Variants in PIK3C2B observed in about 807,000 individuals in gnomAD.
The protein encoded by PIK3C2B is phosphatidylinositol-4-phosphate 3-kinase catalytic subunit type 2 beta.
In PIK3C2B, 83 loss-of-function variants were observed where a neutral mutation model predicts 184.3. That is an observed-to-expected ratio of 0.45 (90% CI 0.38 to 0.54). The LOEUF (loss-of-function observed/expected upper bound fraction) is 0.54, where lower values mean the gene tolerates loss of function less well. Ranked by LOEUF, PIK3C2B falls within the 20% of genes least tolerant of loss-of-function variation. The pLI is 0.00. For missense variants in PIK3C2B, 1,736 were observed against 2,113.5 expected, an observed-to-expected ratio of 0.82 and a Z score of 3.50; for synonymous variants, 779 against 837.6, an observed-to-expected ratio of 0.93 and a Z score of 1.21.
At chr1:204,449,433 T>C (rs1056060818) in intron 13 of PIK3C2B, 137 bp from the exon 14 acceptor site, 28 of 676,434 alleles carry the variant, frequency 4.1e-5, no homozygotes, top group Non-Finnish European at 7.0e-5. Context: ...CCGTGGACCA[T>C]AGCCTCTTCC....
chr1:204,467,932 T>G, intron 2 of PIK3C2B, among the ~76,000 whole-genome samples: 1 of 150,522 alleles, frequency 6.6e-6, no homozygotes, highest in Non-Finnish European at 1.5e-5. Flanking sequence ...GAAACACAAA[T>G]AGGCCTTCTG....
rs767488543 is a variant in PIK3C2B at position 204,444,060 on chromosome 1, A to G, written c.2867+8T>C. On this transcript the variant is annotated splice_region_variant and intron_variant, in intron 18 of 32. Transcript: ENST00000684373. ...GTCTACCTCCCACTTTTCTACATGC[A>G]GTTTTACCAGAAGAAGTAGTGAGTC... 27 of 1,587,808 alleles carry G rather than the reference A, an allele frequency of 1.7e-5. No homozygotes were observed. The highest frequency in any genetic ancestry group is 2.3e-5 in the Non-Finnish European group (27 of 1,155,964).
intron 21 of PIK3C2B, 38 bp from the exon 22 acceptor site, chr1:204,440,359 C>T: frequency 6.5e-7 from 1 of 1,535,200 alleles, no homozygotes. Context: ...CTAATCTCCA[C>T]TACCTCCCCA....
intron 16 of PIK3C2B, among the ~76,000 whole-genome samples, chr1:204,445,438 T>A (rs1653769196): frequency 6.6e-6 from 1 of 151,640 alleles, no homozygotes; most frequent in Non-Finnish European, 1.5e-5. Context: ...TACAAAAAAA[T>A]TTTAAAAATT....
At chr1:204,483,367 T>C (rs1411345511) in intron 1 of PIK3C2B, among the ~76,000 whole-genome samples, 2 of 145,740 alleles carry the variant, frequency 1.4e-5, no homozygotes, top group East Asian at 2.1e-4. Flanking sequence ...CACTCCAGCC[T>C]GGGTGACAGA....
At chr1:204,465,103 A>G in intron 3 of PIK3C2B, 116 bp downstream of exon 3, 1 of 710,448 alleles carries the variant, frequency 1.4e-6, no homozygotes, top group Non-Finnish European at 2.6e-6. Context: ...ATAGCTATGA[A>G]CTGAGATTTA....
At position 204,443,404 on chromosome 1, in the gene PIK3C2B, T is replaced by A; in HGVS notation, c.3048+13A>T. On this transcript the variant is annotated intron_variant, in intron 19 of 32. Transcript: ENST00000684373. ...GGATGAGAAATGGGTAGGGGCAGCC[T>A]CACCCCACTAACCTGCCTTGCAGAT... 3 of 1,610,274 alleles carry A rather than the reference T, an allele frequency of 1.9e-6. No individual in the cohort carries two copies. Among genetic ancestry groups the A allele is most frequent in the Non-Finnish European group, 2.5e-6 (3 of 1,177,064 alleles).
intron 29 of PIK3C2B, 114 bp downstream of exon 29, chr1:204,429,807 C>A: frequency 1.4e-6 from 1 of 713,376 alleles, no homozygotes. Flanking sequence ...GCCCACAGAC[C>A]CCGAAGTGCC....
chr1:204,476,880 TAGAAAAC>T (rs2103525117), intron 1 of PIK3C2B, among the ~76,000 whole-genome samples: 1 of 152,372 alleles, frequency 6.6e-6, no homozygotes, highest in African/African-American at 2.4e-5. Flanking sequence ...GTCCACCTCT[TAGAAAAC>T]AGATGGAAAT....
At chr1:204,494,099 T>A (rs1658204033) in intron 1 of PIK3C2B, among the ~76,000 whole-genome samples, 1 of 151,740 alleles carries the variant, frequency 6.6e-6, no homozygotes, top group South Asian at 2.1e-4. Flanking sequence ...CGCGGGTGCC[T>A]GGAGCCCCAG....
Position 204,424,775 on chromosome 1 carries a change from A to T in PIK3C2B, c.*77T>A, listed in dbSNP as rs1331545395. The stretch of plus-strand genomic sequence containing the variant: ...CCCAGGGCCCTGGCCCTTCACAAGG[A>T]GGAGTCTCACAGGGGAGAGTCCTCT... On this transcript the variant is annotated 3_prime_UTR_variant, in exon 33 of 33. Coordinates refer to ENST00000684373, the MANE Select transcript of PIK3C2B (RefSeq NM_001377334.1). 1 of 1,444,356 alleles carries T rather than the reference A, an allele frequency of 6.9e-7. No individual in the cohort carries two copies. Among genetic ancestry groups the T allele is most frequent in the Admixed American group, 1.7e-5 (1 of 59,776 alleles). 89.5% of individuals were successfully genotyped at this position (1,444,356 alleles called of 1,614,324 possible).
intron 8 of PIK3C2B, among the ~76,000 whole-genome samples, chr1:204,459,551 C>T (rs900126771): frequency 1.3e-5 from 2 of 152,156 alleles, no homozygotes; most frequent in African/African-American, 4.8e-5. Flanking sequence ...ATGCATGCTC[C>T]AGTGTACATC....
chr1:204,474,148 C>A (rs888713902), intron 1 of PIK3C2B, among the ~76,000 whole-genome samples: 31 of 152,290 alleles, frequency 2.0e-4, no homozygotes, highest in African/African-American at 7.2e-4. Context: ...TGCGCCACCA[C>A]GCGCAGCTAA....
chr1:204,466,238 G>A (rs1297930480), intron 2 of PIK3C2B, among the ~76,000 whole-genome samples: 2 of 152,190 alleles, frequency 1.3e-5, no homozygotes, highest in Non-Finnish European at 2.9e-5. Context: ...CAGGGACGAG[G>A]CTTCAGCTCA....
At position 204,433,296 on chromosome 1, in the gene PIK3C2B, C is replaced by G. The variant is rs762233950; in HGVS notation, c.3953+20G>C. The G allele has an allele frequency of 3.8e-6, 5 of 1,309,688 alleles. No homozygotes were observed. Among genetic ancestry groups the G allele is most frequent in the Non-Finnish European group, 5.5e-6 (5 of 904,146 alleles). 81.1% of individuals were successfully genotyped at this position (1,309,688 alleles called of 1,614,324 possible). ...TTACTCAGGGTGGGCAGTGCTGATT[C>G]GCTCAGGGAATCATTTTACCTAGTG... On this transcript the variant is annotated intron_variant, in intron 26 of 32. Coordinates refer to ENST00000684373, the MANE Select transcript of PIK3C2B (RefSeq NM_001377334.1). This position sits in a 1 kb window ranked among gnomAD's most constrained non-coding sequence, Gnocchi z 5.0.
chr1:204,465,148 T>TTGGAAA (rs1655645129), intron 3 of PIK3C2B, 71 bp downstream of exon 3: 2 of 880,580 alleles, frequency 2.3e-6, no homozygotes, highest in Admixed American at 3.6e-5. Flanking sequence ...TAAAGAAAGT[T>TTGGAAA]TGGAAATGGA....
intron 5 of PIK3C2B, among the ~76,000 whole-genome samples, chr1:204,462,580 T>C (rs1572359418): frequency 1.3e-5 from 2 of 152,228 alleles, no homozygotes; most frequent in African/African-American, 4.8e-5. Flanking sequence ...CAACCCTGAG[T>C]CTAGGACCCC....
intron 12 of PIK3C2B, among the ~76,000 whole-genome samples, chr1:204,453,155 A>C (rs1000847103): frequency 2.0e-5 from 3 of 152,186 alleles, no homozygotes. Flanking sequence ...CTTAGCTTGC[A>C]GTGCTGCTCT....
At chr1:204,436,537 T>C (rs1675354422) in intron 23 of PIK3C2B, among the ~76,000 whole-genome samples, 1 of 152,010 alleles carries the variant, frequency 6.6e-6, no homozygotes, top group Non-Finnish European at 1.5e-5. Context: ...AAAAAGAAAC[T>C]ACCAGCATTA....
Sources: allele counts gnomAD v4.1 joint callset (sites outside exome capture counted in the v4.1 genomes callset), GRCh38; gene constraint gnomAD v4.1.1; non-coding constraint Gnocchi (gnomAD v3.1); transcripts MANE v1.5; gene names NCBI Gene and HGNC (gene_info 2026-07-23, HGNC 2026-07-21).